Variants in FKBP5 observed in about 807,000 individuals in gnomAD.
The protein encoded by FKBP5 is FKBP prolyl isomerase 5, also known as peptidyl-prolyl cis-trans isomerase FKBP5.
FKBP5 carries 23 observed loss-of-function variants against 50.5 expected under a neutral mutation model. The observed-to-expected ratio is 0.46, with a 90% CI of 0.33 to 0.65. FKBP5 has a LOEUF of 0.65. Among genes scored for constraint, FKBP5 ranks in the 30% least tolerant of loss-of-function variants. FKBP5 has a pLI of 0.02. For synonymous variants in FKBP5, 176 were observed against 190.6 expected (o/e 0.92, Z 0.63); for missense variants, 411 against 553.1 (o/e 0.74, Z 2.58).
At chr6:35,637,422 C>T (rs1029015362) in intron 2 of FKBP5, among the ~76,000 whole-genome samples, 1 of 145,416 alleles carries the variant, frequency 6.9e-6, no homozygotes, top group Non-Finnish European at 1.5e-5. Context: ...AAATCCTGTT[C>T]ATTGGTTTAA....
At chr6:35,608,681 C>A (rs2150970783) in intron 5 of FKBP5, among the ~76,000 whole-genome samples, 2 of 152,252 alleles carry the variant, frequency 1.3e-5, no homozygotes, top group East Asian at 3.9e-4. Flanking sequence ...AGCAAGACCT[C>A]ATCTCCAAAA....
chr6:35,624,611 T>C (rs1423689272), intron 3 of FKBP5, among the ~76,000 whole-genome samples: 1 of 150,684 alleles, frequency 6.6e-6, no homozygotes, highest in African/African-American at 2.4e-5. Flanking sequence ...CTCTACCAGT[T>C]CTAGCTTTGG....
Position 35,612,840 on chromosome 6 carries a change from C to T in FKBP5, c.508+6256G>A, listed in dbSNP as rs74505721. 1.4e-4 allele frequency among the ~76,000 whole-genome samples: 21 copies of T among 152,332 alleles called. No homozygotes were observed. In the East Asian group the frequency reaches 3.3e-3, roughly 24 times the overall value. ...CTCCCAGTGGGTCCTTCCCACGACA[C>T]GTGGGGATTGTGGGAACTACAATTC... On this transcript the variant is annotated intron_variant, in intron 5 of 10. Coordinates refer to ENST00000357266, the MANE Select transcript of FKBP5 (RefSeq NM_004117.4).
intron 6 of FKBP5, among the ~76,000 whole-genome samples, chr6:35,595,815 T>C (rs1762968549): frequency 6.6e-6 from 1 of 152,046 alleles, no homozygotes; most frequent in South Asian, 2.1e-4. Context: ...ATGCTCTATC[T>C]GAATTTTAAG....
At chr6:35,655,525 A>T (rs964889344) in intron 1 of FKBP5, among the ~76,000 whole-genome samples, 2 of 152,208 alleles carry the variant, frequency 1.3e-5, no homozygotes, top group African/African-American at 4.8e-5. Context: ...ATATGAGAAA[A>T]GTCTATAAAC....
chr6:35,598,252 G>C, intron 5 of FKBP5, among the ~76,000 whole-genome samples: 1 of 152,232 alleles, frequency 6.6e-6, no homozygotes, highest in South Asian at 2.1e-4. Flanking sequence ...ACGCAGTCTT[G>C]CTCTGTCTCA....
chr6:35,581,186 A>G, intron 8 of FKBP5: 2 of 982,414 alleles, frequency 2.0e-6, no homozygotes, highest in Non-Finnish European at 2.4e-6. Context: ...GTTGGATAGT[A>G]GCATACAACA....
At chr6:35,663,981 G>C (rs1468347529) in intron 1 of FKBP5, among the ~76,000 whole-genome samples, 1 of 152,192 alleles carries the variant, frequency 6.6e-6, no homozygotes. Context: ...TCTATCCAAG[G>C]ATATACTTCT....
chr6:35,679,081 C>CA lies in FKBP5; in HGVS notation c.-20+9722dup, dbSNP rs570735105. ...CTGAGCAACAAGTAGGACCCTGTCT[C>CA]AAAAAAATATATGAAATACAAATAA... On this transcript the variant is annotated intron_variant, in intron 1 of 10. Transcript: ENST00000357266. Among the ~76,000 whole-genome samples, 4 of 151,872 alleles carry CA rather than the reference C, an allele frequency of 2.6e-5. No homozygotes were observed. In the South Asian group the frequency reaches 8.3e-4, roughly 32 times the overall value.
At chr6:35,596,823 A>G (rs1187886826) in intron 6 of FKBP5, among the ~76,000 whole-genome samples, 1 of 152,102 alleles carries the variant, frequency 6.6e-6, no homozygotes, top group Non-Finnish European at 1.5e-5. Flanking sequence ...GGGACTCTGT[A>G]TAAGAACAAG....
chr6:35,623,926 C>A (rs1301867805), intron 3 of FKBP5, among the ~76,000 whole-genome samples: 2 of 152,036 alleles, frequency 1.3e-5, no homozygotes, highest in African/African-American at 4.8e-5. Context: ...GTCTTGAACT[C>A]CTAGCCTCAA....
At chr6:35,649,184 G>A (rs1032776463) in intron 1 of FKBP5, among the ~76,000 whole-genome samples, 1 of 147,444 alleles carries the variant, frequency 6.8e-6, no homozygotes, top group Non-Finnish European at 1.5e-5. Flanking sequence ...CCGGGAGGCA[G>A]AGCTTGCAGT....
Position 35,575,637 on chromosome 6 carries a change from T to C in FKBP5, c.*198A>G. 1.8e-6 allele frequency: 1 copy of C among 570,768 alleles called. No individual in the cohort carries two copies. The highest frequency in any genetic ancestry group is 2.1e-5 in the South Asian group (1 of 48,478). 35.4% of individuals were successfully genotyped at this position (570,768 alleles called of 1,614,324 possible). Reference sequence around the variant, plus strand: ...TTTCTGTTTGTTCCACCTGGAGTGGTCCCGTGCCACCCCTCAGTGAACCCT... The same window carrying C: ...TTTCTGTTTGTTCCACCTGGAGTGGCCCCGTGCCACCCCTCAGTGAACCCT... On this transcript the variant is annotated 3_prime_UTR_variant, in exon 11 of 11. Coordinates refer to ENST00000357266, the MANE Select transcript of FKBP5 (RefSeq NM_004117.4).
chr6:35,690,267 G>C (rs1765959667), upstream of FKBP5, among the ~76,000 whole-genome samples: 3 of 152,146 alleles, frequency 2.0e-5, no homozygotes. Context: ...TCGGGAGTTC[G>C]AGACGAGCCT....
At chr6:35,579,230 G>A (rs1762344150) in intron 9 of FKBP5, among the ~76,000 whole-genome samples, 1 of 151,864 alleles carries the variant, frequency 6.6e-6, no homozygotes, top group Non-Finnish European at 1.5e-5. Context: ...ATTAATAACT[G>A]GTCTTGGGAG....
At chr6:35,690,174 G>C (rs1184508715), upstream of FKBP5, among the ~76,000 whole-genome samples, 1 of 152,182 alleles carries the variant, frequency 6.6e-6, no homozygotes, top group Non-Finnish European at 1.5e-5. Context: ...GCCTTCAAGA[G>C]ATGATGCCTG....
chr6:35,623,915 G>A (rs1024204052), intron 3 of FKBP5, among the ~76,000 whole-genome samples: 41 of 151,910 alleles, frequency 2.7e-4, no homozygotes, highest in African/African-American at 9.2e-4. Context: ...TGCCCAGGTC[G>A]GTCTTGAACT....
intron 8 of FKBP5, chr6:35,582,905 C>G (rs1404596598): frequency 2.0e-5 from 18 of 913,910 alleles, no homozygotes; most frequent in Admixed American, 6.2e-5. Context: ...ATATTGAAAT[C>G]AAAGGAATGT....
At chr6:35,679,840 C>A (rs573960284) in intron 1 of FKBP5, among the ~76,000 whole-genome samples, 1 of 152,018 alleles carries the variant, frequency 6.6e-6, no homozygotes, top group Non-Finnish European at 1.5e-5. Context: ...AACAGATGCA[C>A]TAAAATCTCA....
Sources: gnomAD v4.1 joint callset for allele counts (sites outside exome capture counted in the v4.1 genomes callset) on GRCh38, gnomAD v4.1.1 for gene constraint, MANE v1.5 for transcripts, NCBI Gene and HGNC (gene_info 2026-07-23, HGNC 2026-07-21) for gene names.